BRINP3: variants seen among roughly 807,000 people sequenced by gnomAD.
BRINP3 encodes BMP/retinoic acid-inducible neural-specific protein 3.
In BRINP3, 19 loss-of-function variants were observed where a neutral mutation model predicts 71.0. The observed-to-expected ratio is 0.27, with a 90% CI of 0.19 to 0.39. The LOEUF is 0.39. Among genes scored for constraint, BRINP3 ranks in the 10% least tolerant of loss-of-function variants. The pLI, the probability that BRINP3 is intolerant of heterozygous loss-of-function variation, is 1.00. For synonymous variants in BRINP3, 380 were observed against 337.7 expected (o/e 1.13, Z -1.37); for missense variants, 959 against 940.8 (o/e 1.02, Z -0.25).
At chr1:190,146,237 A>G (rs1655877744) in intron 7 of BRINP3, among the ~76,000 whole-genome samples, 1 of 152,196 alleles carries the variant, frequency 6.6e-6, no homozygotes, top group African/African-American at 2.4e-5. Context: ...TTCACTTAAA[A>G]TATTTAACCT....
rs542819674 is a variant in BRINP3 at position 190,287,066 on chromosome 1, A to T, written c.237-5316T>A. ...AAACCCTGTCTCTACTAAAAAAAAA[A>T]AGAAAAAAAAAATAGCCGACTGTGG... On this transcript the variant is annotated intron_variant, in intron 2 of 7. Transcript: ENST00000367462. Among the ~76,000 whole-genome samples the T allele has an allele frequency of 2.1e-5, 3 of 145,878 alleles. No homozygotes were observed. The South Asian group carries it at 7.0e-4, about 34-fold the overall frequency.
chr1:190,119,043 T>C (rs749194294), intron 7 of BRINP3, among the ~76,000 whole-genome samples: 8 of 152,122 alleles, frequency 5.3e-5, no homozygotes, highest in African/African-American at 9.7e-5. Context: ...TTAAAGTCTG[T>C]CTAGATAATA....
intron 2 of BRINP3, among the ~76,000 whole-genome samples, chr1:190,356,789 C>A (rs1447696119): frequency 6.6e-6 from 1 of 152,060 alleles, no homozygotes; most frequent in Non-Finnish European, 1.5e-5. Flanking sequence ...CTGTGGGGAA[C>A]AATTACCCTG....
At chr1:190,394,857 G>A (rs991508383) in intron 2 of BRINP3, among the ~76,000 whole-genome samples, 6 of 151,422 alleles carry the variant, frequency 4.0e-5, no homozygotes, top group East Asian at 3.9e-4. Context: ...AGTGCCTACC[G>A]GAAAAAAAGA....
chr1:190,424,347 G>T (rs1476967013), intron 2 of BRINP3, among the ~76,000 whole-genome samples: 1 of 151,626 alleles, frequency 6.6e-6, no homozygotes, highest in South Asian at 2.1e-4. Context: ...TGCCCCTCTA[G>T]GCCCATTAAG....
intron 2 of BRINP3, among the ~76,000 whole-genome samples, chr1:190,332,944 AT>A (rs543046745): frequency 2.7e-3 from 413 of 151,838 alleles, no homozygotes; most frequent in African/African-American, 8.7e-3. Context: ...CCATATACCT[AT>A]TTTTTAAGCT....
intron 6 of BRINP3, among the ~76,000 whole-genome samples, chr1:190,187,012 T>C (rs1653587998): frequency 6.6e-6 from 1 of 152,120 alleles, no homozygotes; most frequent in South Asian, 2.1e-4. Context: ...TAACAGCCAG[T>C]GAAAACGCAG....
intron 2 of BRINP3, among the ~76,000 whole-genome samples, chr1:190,419,033 A>C (rs1184926982): frequency 1.3e-5 from 2 of 152,086 alleles, no homozygotes; most frequent in Non-Finnish European, 2.9e-5. Context: ...GAATTATTCT[A>C]TATTTTCTAT....
At chr1:190,335,488 G>T (rs1667229701) in intron 2 of BRINP3, among the ~76,000 whole-genome samples, 1 of 151,628 alleles carries the variant, frequency 6.6e-6, no homozygotes, top group African/African-American at 2.4e-5. Context: ...TTACATAATT[G>T]AAAAGTTTGA....
chr1:190,457,222 A>G (rs1676054559), intron 1 of BRINP3, among the ~76,000 whole-genome samples: 1 of 152,108 alleles, frequency 6.6e-6, no homozygotes, highest in Admixed American at 6.6e-5. Flanking sequence ...AGGGCGGATC[A>G]CCTGAGGTTG....
chr1:190,145,023 C>T (rs1024563810), intron 7 of BRINP3, among the ~76,000 whole-genome samples: 2 of 152,106 alleles, frequency 1.3e-5, no homozygotes, highest in African/African-American at 4.8e-5. Context: ...CTGGCATGTC[C>T]TTTTTTTCTT....
At chr1:190,350,822 GTTTTTT>G (rs35410824) in intron 2 of BRINP3, among the ~76,000 whole-genome samples, 3 of 133,080 alleles carry the variant, frequency 2.3e-5, no homozygotes, top group African/African-American at 8.3e-5. Flanking sequence ...AGTTCACCTT[GTTTTTT>G]TTTTTTTTTT....
At chr1:190,294,210 G>A (rs1664078317) in intron 2 of BRINP3, among the ~76,000 whole-genome samples, 1 of 149,722 alleles carries the variant, frequency 6.7e-6, no homozygotes, top group Admixed American at 6.7e-5. Context: ...CATTGTGGTT[G>A]TCATTAACTT....
At chr1:190,369,705 T>C (rs1227664273) in intron 2 of BRINP3, among the ~76,000 whole-genome samples, 1 of 152,084 alleles carries the variant, frequency 6.6e-6, no homozygotes, top group Admixed American at 6.6e-5. Flanking sequence ...TTTATGTACT[T>C]TCTGTGACTA....
At chr1:190,446,812 TC>T (rs1446178667) in intron 2 of BRINP3, among the ~76,000 whole-genome samples, 1 of 151,996 alleles carries the variant, frequency 6.6e-6, no homozygotes, top group African/African-American at 2.4e-5. Context: ...AATACATGCC[TC>T]CTTGCTTATA....
At chr1:190,368,827 A>T (rs1399877869) in intron 2 of BRINP3, among the ~76,000 whole-genome samples, 3 of 152,182 alleles carry the variant, frequency 2.0e-5, no homozygotes, top group Non-Finnish European at 2.9e-5. Context: ...CTTTAGATGA[A>T]TGTACACTTA....
chr1:190,185,317 G>C (rs962323116), intron 6 of BRINP3, among the ~76,000 whole-genome samples: 1 of 151,810 alleles, frequency 6.6e-6, no homozygotes, highest in Admixed American at 6.6e-5. Flanking sequence ...CTCCAAAGAA[G>C]AAATACAAAT....
chr1:190,153,541 C>A (rs1484907380), intron 7 of BRINP3, among the ~76,000 whole-genome samples: 1 of 151,778 alleles, frequency 6.6e-6, no homozygotes, highest in African/African-American at 2.4e-5. Flanking sequence ...GTGCCTGAAA[C>A]TAGAAAAATA....
chr1:190,276,030 T>C (rs1662522699), intron 3 of BRINP3, among the ~76,000 whole-genome samples: 1 of 151,468 alleles, frequency 6.6e-6, no homozygotes, highest in Non-Finnish European at 1.5e-5. Context: ...ATCAGTGATC[T>C]TAAGATTAAT....
Sources: gnomAD v4.1 joint callset for allele counts (sites outside exome capture counted in the v4.1 genomes callset) on GRCh38, gnomAD v4.1.1 for gene constraint, MANE v1.5 for transcripts, NCBI Gene and HGNC (gene_info 2026-07-23, HGNC 2026-07-21) for gene names.